XPC: variants seen among roughly 807,000 people sequenced by gnomAD.
The protein encoded by XPC is DNA repair protein complementing XP-C cells.
Under a neutral mutation model 95.8 loss-of-function variants are expected in XPC, and 76 were observed. The ratio of observed to expected loss-of-function variants is 0.79; its 90% CI spans 0.66 to 0.96. The LOEUF is 0.96. Ranked by LOEUF, XPC falls within the 40% of genes least tolerant of loss-of-function variation. The pLI is 0.00. For missense variants in XPC, 1,146 were observed against 1,179.8 expected, an observed-to-expected ratio of 0.97 and a Z score of 0.42; for synonymous variants, 442 against 442.1, an observed-to-expected ratio of 1.00 and a Z score of 0.00.
intron 7 of XPC, among the ~76,000 whole-genome samples, chr3:14,164,145 A>C (rs1468562940): frequency 2.0e-5 from 3 of 150,264 alleles, no homozygotes; most frequent in African/African-American, 2.5e-5. Flanking sequence ...CCAACACGGA[A>C]GAAGAGAACT....
rs1048410632 is a variant in XPC, at chr3:14,158,554, A to G, written c.1329T>C (p.Ser443=). ...ESGSDEAGSG[S]DFELSSGEAS... ...CTTCTCCACTGGAGAGCTCAAAATC[A>G]GAGCCGCTGCCAGCCTCATCACTCC... is the stretch of plus-strand genomic sequence containing the variant. Residue 443 remains serine, a synonymous_variant, in exon 9 of 16, where the codon TCT becomes TCC. Coordinates refer to ENST00000285021, the MANE Select transcript of XPC (RefSeq NM_004628.5). The surrounding 1 kb of genome is among the most constrained non-coding windows in gnomAD (Gnocchi z 5.2). 1 of 1,613,414 alleles carries G rather than the reference A, an allele frequency of 6.2e-7. No individual in the cohort carries two copies. Among genetic ancestry groups the G allele is most frequent in the Non-Finnish European group, 8.5e-7 (1 of 1,179,848 alleles).
At chr3:14,155,757 A>G (rs185306882) in intron 10 of XPC, among the ~76,000 whole-genome samples, 1 of 152,088 alleles carries the variant, frequency 6.6e-6, no homozygotes, top group Non-Finnish European at 1.5e-5. Context: ...ACAGGGTTTC[A>G]TCGTGTTAGC....
intron 1 of XPC, among the ~76,000 whole-genome samples, chr3:14,177,481 G>A (rs1696873043): frequency 6.6e-6 from 1 of 152,148 alleles, no homozygotes; most frequent in African/African-American, 2.4e-5. Flanking sequence ...ACTCTAGGCA[G>A]AAGGAACATC....
At chr3:14,154,409 T>C (rs1315232277) in intron 10 of XPC, among the ~76,000 whole-genome samples, 1 of 152,082 alleles carries the variant, frequency 6.6e-6, no homozygotes, top group Non-Finnish European at 1.5e-5. Flanking sequence ...AAGTGCCCAT[T>C]GATGGATGAA....
At chr3:14,155,387 C>G (rs1397319628) in intron 10 of XPC, among the ~76,000 whole-genome samples, 2 of 152,008 alleles carry the variant, frequency 1.3e-5, no homozygotes, top group Non-Finnish European at 2.9e-5. Flanking sequence ...CTTTTTATTC[C>G]CATTTCTCAA....
chr3:14,150,412 G>A (rs1695641517), intron 11 of XPC, among the ~76,000 whole-genome samples: 2 of 152,150 alleles, frequency 1.3e-5, no homozygotes, highest in Admixed American at 1.3e-4. Context: ...GTTGGGGGTG[G>A]CCTGCGAGCT....
intron 15 of XPC, among the ~76,000 whole-genome samples, 167 bp from the exon 16 acceptor site, chr3:14,146,326 C>G (rs1000012162): frequency 3.9e-5 from 6 of 151,980 alleles, no homozygotes; most frequent in Non-Finnish European, 8.8e-5. Flanking sequence ...TCTTACTGAG[C>G]CGTCCCAGCC....
At chr3:14,159,868 GTAAT>G in intron 7 of XPC, 38 bp from the exon 8 acceptor site, 1 of 1,529,162 alleles carries the variant, frequency 6.5e-7, no homozygotes, top group Non-Finnish European at 8.9e-7. Context: ...TCCTAAGAAA[GTAAT>G]TAAAGATGTA....
At position 14,160,441 on chromosome 3, in the gene XPC, C is replaced by T. The variant is rs538572529; in HGVS notation, c.901-611G>A. Among the ~76,000 whole-genome samples the T allele has an allele frequency of 5.9e-5, 9 of 152,336 alleles. No individual in the cohort carries two copies. In the South Asian group the frequency reaches 1.5e-3, roughly 25 times the overall value. On this transcript the variant is annotated intron_variant, in intron 7 of 15. Transcript: ENST00000285021. ...CCAATGGCAACAGTGATAATGTACT[C>T]GGCCAAGGCCTTCCTACACGGGTCT...
At chr3:14,146,291 A>G in intron 15 of XPC, 132 bp from the exon 16 acceptor site, 1 of 830,244 alleles carries the variant, frequency 1.2e-6, no homozygotes, top group Non-Finnish European at 1.9e-6. Context: ...GGCATGGGAC[A>G]GGGCAGGGAG....
intron 9 of XPC, among the ~76,000 whole-genome samples, chr3:14,157,089 A>G (rs1695945398): frequency 6.6e-6 from 1 of 152,160 alleles, no homozygotes; most frequent in Non-Finnish European, 1.5e-5. Context: ...GGCAATGTGG[A>G]GTTGCTGAGA....
intron 11 of XPC, chr3:14,149,831 C>T (rs977665389): frequency 6.6e-6 from 1 of 152,206 alleles, no homozygotes; most frequent in Admixed American, 6.5e-5. Flanking sequence ...ATTATTGTTT[C>T]CATTTTACAG....
In XPC at chr3:14,158,522, T is replaced by G; in HGVS notation, c.1361A>C (p.Asp454Ala). 1.2e-6 allele frequency: 2 copies of G among 1,612,916 alleles called. No individual in the cohort carries two copies. The highest frequency in any genetic ancestry group is 1.7e-6 in the Non-Finnish European group (2 of 1,179,414). Residue 454 changes from aspartate (D) to alanine (A), a missense_variant, in exon 9 of 16, where the codon GAT becomes GCT. Coordinates refer to ENST00000285021, the MANE Select transcript of XPC (RefSeq NM_004628.5). This position sits in a 1 kb window ranked among gnomAD's most constrained non-coding sequence, Gnocchi z 5.2. The part of the protein sequence containing the change: ...DFELSSGEAS[D>A]PSDEDSEPGP... ...AGGTTCGGAATCCTCATCAGAGGGATCAGAGGCTTCTCCACTGGAGAGCTC... is the reference window on the plus strand; with the variant it reads ...AGGTTCGGAATCCTCATCAGAGGGAGCAGAGGCTTCTCCACTGGAGAGCTC...
rs1213212139 is a variant in XPC, at chr3:14,173,195, T to C, written c.104-133A>G. ...TCTCCATCACTGGTTCACCATCCCC[T>C]GTCTGGTCAGCAACCAGCTCTCAGC... On this transcript the variant is annotated intron_variant, in intron 1 of 15. Transcript: ENST00000285021. The C allele has an allele frequency of 1.1e-5, 9 of 850,790 alleles. No individual in the cohort carries two copies. In the South Asian group the frequency reaches 1.7e-4, roughly 16 times the overall value. 52.7% of individuals were successfully genotyped at this position (850,790 alleles called of 1,614,324 possible). A position where few individuals can be genotyped will look rare whatever the true frequency, so the allele number is the denominator to read the frequency against.
At chr3:14,152,930 T>G (rs9653966) in intron 10 of XPC, 10,571 of 152,408 alleles carry the variant, frequency 0.069, 421 homozygotes, top group South Asian at 0.11. Context: ...TCAAGACACC[T>G]GCACATGGAA....
chr3:14,151,578 C>G (rs904502670), intron 11 of XPC: 3 of 152,332 alleles, frequency 2.0e-5, no homozygotes, highest in African/African-American at 7.2e-5. Context: ...CTCCACTCCC[C>G]ACTCAGCTTC....
intron 7 of XPC, among the ~76,000 whole-genome samples, chr3:14,160,635 T>G (rs1336246147): frequency 6.6e-6 from 1 of 152,216 alleles, no homozygotes; most frequent in Non-Finnish European, 1.5e-5. Flanking sequence ...CAAAACACTG[T>G]CACACACTGG....
Position 14,145,666 on chromosome 3 carries a change from T to C in XPC, c.*275A>G. 2.9e-6 allele frequency: 2 copies of C among 699,224 alleles called. No homozygotes were observed. Among genetic ancestry groups the C allele is most frequent in the Non-Finnish European group, 5.2e-6 (2 of 384,700 alleles). The allele number at this position is 699,224 out of a possible 1,614,324, so 43.3% of individuals were successfully genotyped here. ...GGCAGAAGAGTATCTCCTAGCAAAG[T>C]GTTCTGTAGCTCAAAGGGTGAGTGG... On this transcript the variant is annotated 3_prime_UTR_variant, in exon 16 of 16. Coordinates refer to ENST00000285021, the MANE Select transcript of XPC (RefSeq NM_004628.5).
At position 14,158,369 on chromosome 3, in the gene XPC, G is replaced by A. The variant is rs775329194; in HGVS notation, c.1514C>T (p.Ser505Leu). The A allele has an allele frequency of 3.7e-5, 59 of 1,613,702 alleles. No homozygotes were observed. Among genetic ancestry groups the A allele is most frequent in the Non-Finnish European group, 4.8e-5 (57 of 1,179,886 alleles). ...PSLPAASSSSSSSKRGKKMCS... is the reference protein window; with the variant it reads ...PSLPAASSSSLSSKRGKKMCS... ...CATTTTCTTGCCTCTTTTACTGCTTGAAGAGCTTGAGGATGCCGCTGGCAA... is the reference window on the plus strand; with the variant it reads ...CATTTTCTTGCCTCTTTTACTGCTTAAAGAGCTTGAGGATGCCGCTGGCAA... The change falls in exon 9 of 16, where the codon TCA (serine) becomes TTA (leucine). Residue 505 changes from serine (S) to leucine (L), a missense_variant. Transcript: ENST00000285021. This position sits in a 1 kb window ranked among gnomAD's most constrained non-coding sequence, Gnocchi z 5.2.
Sources: allele counts gnomAD v4.1 joint callset (sites outside exome capture counted in the v4.1 genomes callset), GRCh38; gene constraint gnomAD v4.1.1; non-coding constraint Gnocchi (gnomAD v3.1); transcripts MANE v1.5; gene names NCBI Gene and HGNC (gene_info 2026-07-23, HGNC 2026-07-21).